Variants in HTR1F observed in about 807,000 individuals in gnomAD.
HTR1F encodes the protein 5-hydroxytryptamine (serotonin) receptor 1F, G protein-coupled.
HTR1F carries 17 observed loss-of-function variants against 24.0 expected under a neutral mutation model. The ratio of observed to expected loss-of-function variants is 0.71; its 90% CI spans 0.48 to 1.06. The LOEUF is 1.06. Ranked by LOEUF, HTR1F falls within the 50% of genes least tolerant of loss-of-function variation. The probability of loss-of-function intolerance (pLI) is 0.00; values close to 1 mark genes in which losing one functional copy is unlikely to be tolerated. For missense variants in HTR1F, 391 were observed against 427.8 expected (o/e 0.91, Z 0.76); for synonymous variants, 186 against 156.8 (o/e 1.19, Z -1.39).
At chr3:87,938,269 C>T (rs962867301) in intron 2 of HTR1F, among the ~76,000 whole-genome samples, 10 of 152,124 alleles carry the variant, frequency 6.6e-5, no homozygotes, top group African/African-American at 2.4e-4. Context: ...AACTACAAAA[C>T]TGCTCAAAGA....
intron 2 of HTR1F, among the ~76,000 whole-genome samples, chr3:87,851,719 C>T (rs1469134378): frequency 6.6e-6 from 1 of 151,430 alleles, no homozygotes; most frequent in African/African-American, 2.4e-5. Flanking sequence ...TGAATTGATG[C>T]TTTTAATTGC....
chr3:87,869,374 TAGATAGATAGACAAAC>T (rs1217364868), intron 2 of HTR1F, among the ~76,000 whole-genome samples: 1 of 129,170 alleles, frequency 7.7e-6, no homozygotes, highest in Admixed American at 7.7e-5. Flanking sequence ...ACCAATAGGA[TAGATAGATAGACAAAC>T]AGATAGATAG....
intron 2 of HTR1F, among the ~76,000 whole-genome samples, chr3:87,983,582 T>C (rs1705598460): frequency 6.6e-6 from 1 of 152,196 alleles, no homozygotes; most frequent in South Asian, 2.1e-4. Flanking sequence ...TACTCAATGC[T>C]GGCCTATTTT....
chr3:87,841,645 A>G (rs1257482288), intron 2 of HTR1F, among the ~76,000 whole-genome samples: 1 of 151,804 alleles, frequency 6.6e-6, no homozygotes, highest in African/African-American at 2.4e-5. Context: ...CACGTCTGTA[A>G]TCCCAGCACT....
chr3:87,851,321 A>T (rs78026881), intron 2 of HTR1F, among the ~76,000 whole-genome samples: 9,278 of 151,566 alleles, frequency 0.061, 419 homozygotes, highest in East Asian at 0.16. Flanking sequence ...TTATTTGCAC[A>T]GACTTTGCTT....
At chr3:87,872,619 T>C (rs1705582766) in intron 2 of HTR1F, among the ~76,000 whole-genome samples, 1 of 151,926 alleles carries the variant, frequency 6.6e-6, no homozygotes, top group African/African-American at 2.4e-5. Context: ...ACACTACAGC[T>C]AATGCCACAG....
At chr3:87,887,572 T>C (rs1474710515) in intron 2 of HTR1F, among the ~76,000 whole-genome samples, 5 of 151,922 alleles carry the variant, frequency 3.3e-5, no homozygotes, top group Admixed American at 6.6e-5. Context: ...TTGCAATCTA[T>C]CCATCTGACA....
intron 2 of HTR1F, among the ~76,000 whole-genome samples, chr3:87,857,780 G>A (rs1705227556): frequency 6.6e-6 from 1 of 152,046 alleles, no homozygotes; most frequent in Non-Finnish European, 1.5e-5. Context: ...GTTCACTCTT[G>A]GTGTTGTACG....
chr3:87,825,040 A>C (rs1227611875), intron 2 of HTR1F, among the ~76,000 whole-genome samples: 1 of 152,212 alleles, frequency 6.6e-6, no homozygotes, highest in African/African-American at 2.4e-5. Flanking sequence ...TTATTATGCC[A>C]ATTATTTCAA....
chr3:87,946,540 T>A (rs1253877508), intron 2 of HTR1F, among the ~76,000 whole-genome samples: 1 of 150,134 alleles, frequency 6.7e-6, no homozygotes, highest in Non-Finnish European at 1.5e-5. Flanking sequence ...TTATCTACAC[T>A]AAAAAAAATT....
intron 2 of HTR1F, among the ~76,000 whole-genome samples, chr3:87,921,262 T>C (rs1704007171): frequency 6.6e-6 from 1 of 152,010 alleles, no homozygotes; most frequent in African/African-American, 2.4e-5. Flanking sequence ...AATATATTGA[T>C]TGGATTTACC....
At chr3:87,899,334 T>C (rs1229010246) in intron 2 of HTR1F, among the ~76,000 whole-genome samples, 2 of 152,192 alleles carry the variant, frequency 1.3e-5, no homozygotes, top group African/African-American at 4.8e-5. Flanking sequence ...CTACCAGAAT[T>C]CTTTCATTAA....
At position 87,915,572 on chromosome 3, in the gene HTR1F, C is replaced by T. The variant is rs568620145; in HGVS notation, c.-42-75136C>T. Among the ~76,000 whole-genome samples, 22 of 152,094 alleles carry T rather than the reference C, an allele frequency of 1.4e-4. No homozygotes were observed. The South Asian group carries it at 3.3e-3, about 23-fold the overall frequency. On this transcript the variant is annotated intron_variant, in intron 2 of 2. Transcript: ENST00000319595. ...AGAAATGCAAAATGCTCTGGAAAATCGGAAGACCAATAGAATTGAACAAGT... is the reference window on the plus strand; with the variant it reads ...AGAAATGCAAAATGCTCTGGAAAATTGGAAGACCAATAGAATTGAACAAGT...
chr3:87,912,907 C>A (rs1337386745), intron 2 of HTR1F, among the ~76,000 whole-genome samples: 1 of 152,040 alleles, frequency 6.6e-6, no homozygotes, highest in East Asian at 1.9e-4. Flanking sequence ...TGAAATTGGA[C>A]CCCTTCCTTA....
chr3:87,873,133 C>CACACACAGAGAG (rs370152361), intron 2 of HTR1F, among the ~76,000 whole-genome samples: 1,910 of 130,194 alleles, frequency 0.015, 45 homozygotes, highest in East Asian at 0.1. Context: ...CACACACACA[C>CACACACAGAGAG]AGAGAGATTT....
At chr3:87,863,820 G>A (rs1575960099) in intron 2 of HTR1F, among the ~76,000 whole-genome samples, 1 of 152,164 alleles carries the variant, frequency 6.6e-6, no homozygotes, top group African/African-American at 2.4e-5. Context: ...AAATTAAGTG[G>A]ATTAAAATAA....
intron 1 of HTR1F, among the ~76,000 whole-genome samples, chr3:87,798,327 T>C (rs1703939407): frequency 6.6e-6 from 1 of 152,066 alleles, no homozygotes; most frequent in South Asian, 2.1e-4. Context: ...TCTAGGCCGA[T>C]TGTCAAGCTG....
chr3:87,818,097 C>T (rs981081428), intron 1 of HTR1F, among the ~76,000 whole-genome samples: 2 of 152,106 alleles, frequency 1.3e-5, no homozygotes, highest in African/African-American at 4.8e-5. Flanking sequence ...GTACTATTTG[C>T]ATCTTGTTGA....
intron 2 of HTR1F, among the ~76,000 whole-genome samples, chr3:87,883,831 A>G (rs779541877): frequency 1.8e-4 from 27 of 152,192 alleles, no homozygotes; most frequent in Non-Finnish European, 3.4e-4. Context: ...CCTCCAAGAA[A>G]TATGGGACTA....
Sources: gnomAD v4.1 joint callset for allele counts (sites outside exome capture counted in the v4.1 genomes callset) on GRCh38, gnomAD v4.1.1 for gene constraint, MANE v1.5 for transcripts, NCBI Gene and HGNC (gene_info 2026-07-23, HGNC 2026-07-21) for gene names.